Variants in CMYA5 observed in about 807,000 individuals in gnomAD.
The protein encoded by CMYA5 is cardiomyopathy associated 5, also known as cardiomyopathy-associated protein 5.
CMYA5 carries 246 observed loss-of-function variants against 318.9 expected under a neutral mutation model. That is an observed-to-expected ratio of 0.77 (90% CI 0.70 to 0.86). The LOEUF is 0.86. CMYA5 is among the 40% of genes least tolerant of loss of function. The pLI is 0.00. For missense variants in CMYA5, 4,589 were observed against 4,678.2 expected (o/e 0.98, Z 0.56); for synonymous variants, 1,641 against 1,729.5 (o/e 0.95, Z 1.27).
intron 1 of CMYA5, among the ~76,000 whole-genome samples, chr5:79,703,708 G>A (rs1474212584): frequency 6.6e-6 from 1 of 152,198 alleles, no homozygotes; most frequent in Admixed American, 6.5e-5. Context: ...AGTTAGCTTG[G>A]AGGTTTGGGG....
At chr5:79,714,255 C>T (rs919102664) in intron 1 of CMYA5, among the ~76,000 whole-genome samples, 1 of 152,032 alleles carries the variant, frequency 6.6e-6, no homozygotes, top group African/African-American at 2.4e-5. Flanking sequence ...CCACCTGCAT[C>T]CTGGTTTTCC....
At chr5:79,786,808 T>C (rs16877187) in intron 9 of CMYA5, among the ~76,000 whole-genome samples, 9,762 of 152,196 alleles carry the variant, frequency 0.064, 846 homozygotes, top group East Asian at 0.26. Context: ...TTGTTCTTGG[T>C]GCTTGAGCAT....
rs769582531 is a variant in CMYA5, at chr5:79,734,149, G to T, written c.5384G>T (p.Gly1795Val). ...DILDKLSEET[G>V]HPNSSQVLQS... ...TTAGATAAGCTAAGTGAAGAAACAGGCCACCCAAATTCATCCCAGGTACTC... is the reference window on the plus strand; with the variant it reads ...TTAGATAAGCTAAGTGAAGAAACAGTCCACCCAAATTCATCCCAGGTACTC... The change falls in exon 2 of 13, where the codon GGC (glycine) becomes GTC (valine). Residue 1795 changes from glycine to valine, a missense_variant. Gly to Val is a moderately radical substitution (Grantham distance 109, BLOSUM62 -3). Coordinates refer to ENST00000446378, the MANE Select transcript of CMYA5 (RefSeq NM_153610.5). The T allele has an allele frequency of 3.7e-6, 6 of 1,613,728 alleles. No individual in the cohort carries two copies. The East Asian group carries it at 1.3e-4, about 36-fold the overall frequency.
chr5:79,752,777 T>C lies in CMYA5; in HGVS notation c.11093T>C (p.Met3698Thr), dbSNP rs1249876281. The C allele has an allele frequency of 6.2e-7, 1 of 1,612,860 alleles. No individual in the cohort carries two copies. Among genetic ancestry groups the C allele is most frequent in the Non-Finnish European group, 8.5e-7 (1 of 1,179,134 alleles). Residue 3698 changes from methionine (M) to threonine (T), a missense_variant, in exon 6 of 13, where the codon ATG (methionine) becomes ACG (threonine). Met to Thr is a moderately conservative substitution (Grantham distance 81). Around this residue, in one of 3 missense-constraint regions of CMYA5, gnomAD observed 2,431 missense variants for 2,495.1 expected, o/e 0.97. Transcript: ENST00000446378. ...GACAGCTCGGCAAGAAGTGACCAGATGTTAAAACAAGTGGCTGGTAAGCAT... is the reference window on the plus strand; with the variant it reads ...GACAGCTCGGCAAGAAGTGACCAGACGTTAAAACAAGTGGCTGGTAAGCAT... The part of the protein sequence containing the change: ...YDDSSARSDQ[M>T]LKQVAVPQPP...
intron 9 of CMYA5, chr5:79,778,229 G>A (rs1828977701): frequency 6.6e-6 from 1 of 152,164 alleles, no homozygotes; most frequent in Admixed American, 6.5e-5. Context: ...TAAACCTTGT[G>A]CATATATCAT....
chr5:79,745,245 A>G lies in CMYA5; in HGVS notation c.10758A>G (p.Lys3586=), dbSNP rs1179835326. 2 of 1,590,054 alleles carry G rather than the reference A, an allele frequency of 1.3e-6. No individual in the cohort carries two copies. Among genetic ancestry groups the G allele is most frequent in the Non-Finnish European group, 1.7e-6 (2 of 1,167,530 alleles). The part of the protein sequence containing the change: ...TIEENCSKNE[K]RLEEQNEEMM... ...AGGAAAACTGTAGTAAAAATGAGAAAAGGCTAGAAGAACAGAATGAGGAAA... is the reference window on the plus strand; with the variant it reads ...AGGAAAACTGTAGTAAAAATGAGAAGAGGCTAGAAGAACAGAATGAGGAAA... Residue 3586 remains lysine, a synonymous_variant, in exon 4 of 13, where the codon AAA becomes AAG. Transcript: ENST00000446378.
chr5:79,774,224 A>G (rs577037265), intron 9 of CMYA5: 2 of 152,300 alleles, frequency 1.3e-5, no homozygotes, highest in Admixed American at 1.3e-4. Flanking sequence ...AAACATTTGC[A>G]TATTTTTGCG....
intron 1 of CMYA5, among the ~76,000 whole-genome samples, chr5:79,704,854 G>A (rs189492258): frequency 6.6e-6 from 1 of 152,268 alleles, no homozygotes; most frequent in Non-Finnish European, 1.5e-5. Context: ...TCTGGCCCCT[G>A]GAACCTATGA....
chr5:79,699,117 C>G (rs1426095401), intron 1 of CMYA5, among the ~76,000 whole-genome samples: 2 of 152,058 alleles, frequency 1.3e-5, no homozygotes, highest in African/African-American at 4.8e-5. Context: ...GAGATGGTAC[C>G]ACTGCACTCC....
intron 10 of CMYA5, among the ~76,000 whole-genome samples, chr5:79,789,716 T>C (rs1237740995): frequency 5.3e-5 from 8 of 152,260 alleles, no homozygotes; most frequent in African/African-American, 1.9e-4. Context: ...TGAGCCACCA[T>C]GCCTGGCCTC....
intron 1 of CMYA5, among the ~76,000 whole-genome samples, chr5:79,698,922 C>G (rs1181190799): frequency 1.3e-5 from 2 of 152,160 alleles, no homozygotes; most frequent in Admixed American, 6.5e-5. Flanking sequence ...CTTTGGGAGG[C>G]TGAGGCAGGT....
intron 1 of CMYA5, among the ~76,000 whole-genome samples, chr5:79,699,574 G>A (rs573493639): frequency 4.6e-5 from 7 of 152,288 alleles, no homozygotes; most frequent in Non-Finnish European, 1.0e-4. Context: ...AGAGGGAAGT[G>A]GGTGCCTAGA....
At chr5:79,742,098 CTTT>C (rs1449368732) in intron 2 of CMYA5, among the ~76,000 whole-genome samples, 3 of 119,094 alleles carry the variant, frequency 2.5e-5, no homozygotes, top group Non-Finnish European at 5.2e-5. Context: ...TCTTCTTCTT[CTTT>C]CTTCTTCTCT....
chr5:79,739,813 T>C (rs1162294068), intron 2 of CMYA5, among the ~76,000 whole-genome samples: 1 of 151,942 alleles, frequency 6.6e-6, no homozygotes, highest in East Asian at 1.9e-4. Flanking sequence ...GGAGACCTTG[T>C]CTCTACTAAA....
intron 1 of CMYA5, among the ~76,000 whole-genome samples, chr5:79,695,398 T>C (rs1827048251): frequency 6.6e-6 from 1 of 152,270 alleles, no homozygotes; most frequent in African/African-American, 2.4e-5. Flanking sequence ...CATTTCAACA[T>C]GTAATCAGTG....
chr5:79,730,208 A>C lies in CMYA5; in HGVS notation c.1443A>C (p.Lys481Asn), dbSNP rs1379934279. 6.2e-7 allele frequency: 1 copy of C among 1,613,862 alleles called. No individual in the cohort carries two copies. Among genetic ancestry groups the C allele is most frequent in the African/African-American group, 1.3e-5 (1 of 74,922 alleles). The change falls in exon 2 of 13, where the codon AAA becomes AAC. Residue 481 changes from lysine to asparagine, a missense_variant. By Grantham distance (94) the Lys-to-Asn change is moderately conservative (BLOSUM62 0). This residue lies in a region of CMYA5 where 2,132 missense variants were observed against 2,131.3 expected (regional missense o/e 1.00). Coordinates refer to ENST00000446378, the MANE Select transcript of CMYA5 (RefSeq NM_153610.5). The part of the protein sequence containing the change: ...AKLTPTHPSV[K>N]GEKEENMLEP... ...TGACCCCTACCCATCCCAGTGTCAA[A>C]GGAGAGAAGGAGGAAAACATGCTTG... is the stretch of plus-strand genomic sequence containing the variant.
In CMYA5 at chr5:79,731,251, A is replaced by AGCAC. The variant is rs1827891269; in HGVS notation, c.2487_2490dup (p.Thr831AlafsTer24). The AGCAC allele has an allele frequency of 1.2e-6, 2 of 1,614,030 alleles. No individual in the cohort carries two copies. Among genetic ancestry groups the AGCAC allele is most frequent in the Non-Finnish European group, 1.7e-6 (2 of 1,179,894 alleles). On this transcript the variant is annotated frameshift_variant, in exon 2 of 13. Transcript: ENST00000446378. LOFTEE classifies it high-confidence loss of function. ...CAATTCAAACCAAAAGGTATTTCTG[A>AGCAC]GCACACAGTTCTGTCAGTAGACGGC...
chr5:79,731,649 A>T lies in CMYA5; in HGVS notation c.2884A>T (p.Thr962Ser). The T allele has an allele frequency of 6.2e-7, 1 of 1,613,956 alleles. No individual in the cohort carries two copies. Among genetic ancestry groups the T allele is most frequent in the East Asian group, 2.2e-5 (1 of 44,886 alleles). The part of the protein sequence containing the change: ...VSEFSFPPYA[T>S]QEAEKREFEC... ...AGAATTCTCATTTCCACCGTATGCA[A>T]CCCAGGAAGCAGAGAAAAGAGAATT... Residue 962 changes from threonine (T) to serine (S), a missense_variant, in exon 2 of 13, where the codon ACC becomes TCC. Transcript: ENST00000446378.
intron 12 of CMYA5, among the ~76,000 whole-genome samples, chr5:79,798,078 G>T (rs143292671): frequency 1.7e-3 from 265 of 152,116 alleles, no homozygotes; most frequent in African/African-American, 6.2e-3. Flanking sequence ...GCATTGAAAA[G>T]GTCCTTTATC....
Sources: gnomAD v4.1 joint callset for allele counts (sites outside exome capture counted in the v4.1 genomes callset) on GRCh38, gnomAD v4.1.1 for gene constraint, gnomAD v4.1.1 regional missense constraint, MANE v1.5 for transcripts, NCBI Gene and HGNC (gene_info 2026-07-23, HGNC 2026-07-21) for gene names.